Variants in SSBP2 observed in about 807,000 individuals in gnomAD.
SSBP2 encodes the protein single-stranded DNA-binding protein 2.
A neutral mutation model predicts 61.8 loss-of-function variants in SSBP2; 17 were observed. The ratio of observed to expected loss-of-function variants is 0.28; its 90% CI spans 0.19 to 0.41. The LOEUF (loss-of-function observed/expected upper bound fraction) is 0.41. Ranked by LOEUF, SSBP2 falls within the 10% of genes least tolerant of loss-of-function variation. The pLI is 1.00. For missense variants in SSBP2, 310 were observed against 458.7 expected (o/e 0.68, Z 2.96); for synonymous variants, 139 against 141.3 (o/e 0.98, Z 0.12).
chr5:81,512,373 G>T (rs1768679891), intron 5 of SSBP2, among the ~76,000 whole-genome samples: 2 of 152,170 alleles, frequency 1.3e-5, no homozygotes, highest in South Asian at 4.1e-4. Context: ...GATATTGTGA[G>T]GATTAGAGTT....
At chr5:81,697,771 G>T (rs1189606071) in intron 1 of SSBP2, among the ~76,000 whole-genome samples, 1 of 152,026 alleles carries the variant, frequency 6.6e-6, no homozygotes, top group East Asian at 1.9e-4. Context: ...AAATAGGCAA[G>T]GTAAAACACT....
intron 8 of SSBP2, 24 bp from the exon 9 acceptor site, chr5:81,467,089 A>C: frequency 2.6e-6 from 4 of 1,519,230 alleles, no homozygotes; most frequent in Non-Finnish European, 3.6e-6. Context: ...AAAAAACAAA[A>C]CCAAAGAGGA....
At chr5:81,582,635 G>T (rs375234183) in intron 4 of SSBP2, among the ~76,000 whole-genome samples, 1 of 151,860 alleles carries the variant, frequency 6.6e-6, no homozygotes, top group Non-Finnish European at 1.5e-5. Context: ...GCTGCATCAC[G>T]CAGGATGGAG....
chr5:81,470,415 T>C (rs955641191), intron 8 of SSBP2, among the ~76,000 whole-genome samples: 9 of 151,850 alleles, frequency 5.9e-5, no homozygotes, highest in Non-Finnish European at 1.2e-4. Flanking sequence ...TATTTAGATT[T>C]AAAATAGATT....
intron 2 of SSBP2, among the ~76,000 whole-genome samples, chr5:81,649,259 T>C (rs911851136): frequency 6.6e-6 from 1 of 152,066 alleles, no homozygotes; most frequent in African/African-American, 2.4e-5. Context: ...ATATGTAAAA[T>C]ACCTTGGCAC....
chr5:81,559,002 T>C (rs1772818453), intron 4 of SSBP2, among the ~76,000 whole-genome samples: 1 of 152,212 alleles, frequency 6.6e-6, no homozygotes, highest in Admixed American at 6.5e-5. Context: ...ACGCCTGTAA[T>C]CCTACCACTT....
intron 1 of SSBP2, among the ~76,000 whole-genome samples, chr5:81,682,587 A>G (rs1752478921): frequency 6.6e-6 from 1 of 152,148 alleles, no homozygotes; most frequent in African/African-American, 2.4e-5. Flanking sequence ...AAAAACCTGA[A>G]GTTTTCCCAC....
chr5:81,656,625 A>G (rs1283099464), intron 1 of SSBP2, among the ~76,000 whole-genome samples: 1 of 152,094 alleles, frequency 6.6e-6, no homozygotes, highest in Admixed American at 6.6e-5. Context: ...AATGACATGT[A>G]TATGAAGACC....
chr5:81,600,356 T>A (rs960877002), intron 4 of SSBP2, among the ~76,000 whole-genome samples: 3 of 150,794 alleles, frequency 2.0e-5, no homozygotes. Flanking sequence ...AGGTCAGGAG[T>A]TCGAGACCAG....
intron 4 of SSBP2, among the ~76,000 whole-genome samples, chr5:81,568,401 T>C (rs1284450378): frequency 2.6e-5 from 4 of 152,206 alleles, no homozygotes; most frequent in Non-Finnish European, 5.9e-5. Flanking sequence ...CCTCCTTACC[T>C]TCTGCCATGA....
chr5:81,704,957 T>G (rs1004031917), intron 1 of SSBP2, among the ~76,000 whole-genome samples: 2 of 152,126 alleles, frequency 1.3e-5, no homozygotes, highest in Non-Finnish European at 2.9e-5. Context: ...ATATATCACA[T>G]TTCCAAATCT....
chr5:81,623,501 A>T (rs57412566), intron 3 of SSBP2, among the ~76,000 whole-genome samples: 6,308 of 151,306 alleles, frequency 0.042, 413 homozygotes, highest in African/African-American at 0.14. Context: ...GCGCCCAGCT[A>T]ATTTTTTGTA....
At chr5:81,500,924 C>T (rs1029662891) in intron 5 of SSBP2, among the ~76,000 whole-genome samples, 5 of 151,416 alleles carry the variant, frequency 3.3e-5, no homozygotes, top group African/African-American at 1.2e-4. Context: ...TTAAAATATA[C>T]ATCTTGAGGC....
At chr5:81,474,468 A>T (rs1765455749) in intron 7 of SSBP2, 28 bp downstream of exon 7, 1 of 1,599,816 alleles carries the variant, frequency 6.3e-7, no homozygotes, top group South Asian at 1.1e-5. Context: ...TCTGCACATC[A>T]ATTTTCCTTT....
At chr5:81,645,604 G>A (rs1456278068) in intron 2 of SSBP2, among the ~76,000 whole-genome samples, 2 of 152,118 alleles carry the variant, frequency 1.3e-5, no homozygotes, top group Non-Finnish European at 2.9e-5. Context: ...TTTGTATAAC[G>A]AAATGATATG....
intron 4 of SSBP2, among the ~76,000 whole-genome samples, chr5:81,581,506 C>T (rs998840067): frequency 2.0e-5 from 3 of 152,132 alleles, no homozygotes; most frequent in Non-Finnish European, 4.4e-5. Flanking sequence ...TGAAAAATTC[C>T]ATTTCAACCT....
chr5:81,451,358 A>G (rs1763758210), intron 10 of SSBP2, among the ~76,000 whole-genome samples: 1 of 151,982 alleles, frequency 6.6e-6, no homozygotes, highest in African/African-American at 2.4e-5. Flanking sequence ...GTTTATTTCC[A>G]AAGGTAGCTT....
intron 2 of SSBP2, among the ~76,000 whole-genome samples, chr5:81,641,088 A>T (rs1208475704): frequency 1.3e-5 from 2 of 152,170 alleles, no homozygotes; most frequent in Admixed American, 1.3e-4. Flanking sequence ...TGAAAATGGC[A>T]TGACTAGGTT....
At chr5:81,513,543 T>A (rs1002386433) in intron 5 of SSBP2, 85 bp downstream of exon 5, 1 of 817,674 alleles carries the variant, frequency 1.2e-6, no homozygotes, top group East Asian at 2.5e-5. Flanking sequence ...AAAATTAAAA[T>A]AGCCTTATCT....
Sources: allele counts gnomAD v4.1 joint callset (sites outside exome capture counted in the v4.1 genomes callset), GRCh38; gene constraint gnomAD v4.1.1; transcripts MANE v1.5; gene names NCBI Gene and HGNC (gene_info 2026-07-23, HGNC 2026-07-21).